The following CSMD1 variants were observed in gnomAD, a reference collection of about 807,000 sequenced individuals.
The protein encoded by CSMD1 is CUB and sushi domain-containing protein 1.
In CSMD1, 213 loss-of-function variants were observed where a neutral mutation model predicts 417.5. The ratio of observed to expected loss-of-function variants is 0.51; its 90% CI spans 0.46 to 0.57. The LOEUF (loss-of-function observed/expected upper bound fraction) is 0.57, where lower values mean the gene tolerates loss of function less well. Ranked by LOEUF, CSMD1 falls within the 20% of genes least tolerant of loss-of-function variation. CSMD1 has a pLI of 0.00. For missense variants in CSMD1, 6,923 were observed against 4,529.7 expected (o/e 1.53, Z -15.17); for synonymous variants, 2,862 against 1,736.8 (o/e 1.65, Z -16.11).
chr8:4,065,856 A>G (rs1001056247), intron 3 of CSMD1, among the ~76,000 whole-genome samples: 1 of 152,194 alleles, frequency 6.6e-6, no homozygotes, highest in Non-Finnish European at 1.5e-5. Flanking sequence ...ACACACACCC[A>G]AAGTTTTCCT....
At chr8:3,186,715 A>C (rs1821782630) in intron 36 of CSMD1, among the ~76,000 whole-genome samples, 1 of 152,246 alleles carries the variant, frequency 6.6e-6, no homozygotes, top group Non-Finnish European at 1.5e-5. Context: ...TTTGCAGTAG[A>C]GATAAACAAC....
chr8:4,313,953 G>T (rs986239374), intron 3 of CSMD1, among the ~76,000 whole-genome samples: 2 of 151,906 alleles, frequency 1.3e-5, no homozygotes, highest in African/African-American at 4.8e-5. Flanking sequence ...GGCAGAGGTT[G>T]CAGCGAGCCG....
At chr8:3,672,126 T>C (rs1024961119) in intron 7 of CSMD1, among the ~76,000 whole-genome samples, 1 of 152,224 alleles carries the variant, frequency 6.6e-6, no homozygotes, top group African/African-American at 2.4e-5. Context: ...AGGTGCTGTC[T>C]ACTTCCTCTT....
chr8:3,607,434 A>G (rs139674605), intron 8 of CSMD1, among the ~76,000 whole-genome samples: 148 of 152,326 alleles, frequency 9.7e-4, no homozygotes, highest in African/African-American at 3.5e-3. Flanking sequence ...ATACCATTGT[A>G]AATGCATGAA....
At chr8:4,144,380 G>T (rs1057099335) in intron 3 of CSMD1, among the ~76,000 whole-genome samples, 1 of 151,078 alleles carries the variant, frequency 6.6e-6, no homozygotes, top group African/African-American at 2.5e-5. Context: ...TGTGTTTTTA[G>T]AACTTAATTT....
At chr8:4,984,198 G>A (rs942093870) in intron 1 of CSMD1, among the ~76,000 whole-genome samples, 1 of 152,200 alleles carries the variant, frequency 6.6e-6, no homozygotes, top group African/African-American at 2.4e-5. Context: ...CTCCAGAACA[G>A]CAAGAGTAAC....
chr8:4,389,358 G>A (rs550419708), intron 3 of CSMD1, among the ~76,000 whole-genome samples: 2 of 152,238 alleles, frequency 1.3e-5, no homozygotes, highest in Non-Finnish European at 2.9e-5. Context: ...CTGATATGTG[G>A]AGGGAGTACT....
chr8:4,072,268 C>G (rs1799599184), intron 3 of CSMD1, among the ~76,000 whole-genome samples: 1 of 152,080 alleles, frequency 6.6e-6, no homozygotes, highest in Non-Finnish European at 1.5e-5. Flanking sequence ...TTTATTTGGC[C>G]ATCCTGAATT....
chr8:4,163,222 A>G (rs893766509), intron 3 of CSMD1, among the ~76,000 whole-genome samples: 2 of 152,142 alleles, frequency 1.3e-5, no homozygotes, highest in African/African-American at 4.8e-5. Context: ...AGTACACGTA[A>G]GTTTTTAGCT....
intron 26 of CSMD1, among the ~76,000 whole-genome samples, chr8:3,231,861 T>C (rs752777234): frequency 2.6e-5 from 4 of 152,316 alleles, no homozygotes; most frequent in Admixed American, 6.5e-5. Context: ...ATTAGACTAA[T>C]ATCTAAGTCA....
intron 1 of CSMD1, among the ~76,000 whole-genome samples, chr8:4,714,076 C>T (rs1397086363): frequency 6.6e-6 from 1 of 151,946 alleles, no homozygotes; most frequent in Non-Finnish European, 1.5e-5. Flanking sequence ...ACCCGGGAGA[C>T]AGAGGTTGCA....
At chr8:4,419,199 A>G (rs1278515724) in intron 3 of CSMD1, among the ~76,000 whole-genome samples, 1 of 152,218 alleles carries the variant, frequency 6.6e-6, no homozygotes, top group Admixed American at 6.5e-5. Context: ...TTAAATTTAC[A>G]GACTCCAGAG....
chr8:4,722,457 G>C (rs1424710350), intron 1 of CSMD1, among the ~76,000 whole-genome samples: 1 of 152,142 alleles, frequency 6.6e-6, no homozygotes, highest in East Asian at 1.9e-4. Context: ...AATGCATTTT[G>C]TACTGCAGTC....
At chr8:3,555,256 G>C (rs113027931) in intron 10 of CSMD1, among the ~76,000 whole-genome samples, 7 of 152,076 alleles carry the variant, frequency 4.6e-5, no homozygotes, top group Non-Finnish European at 5.9e-5. Context: ...CATTTAGCTA[G>C]GAGTCATGAA....
chr8:4,455,121 C>G (rs571034489), intron 2 of CSMD1, among the ~76,000 whole-genome samples: 2 of 152,008 alleles, frequency 1.3e-5, no homozygotes, highest in African/African-American at 4.8e-5. Context: ...TAAAGGATGA[C>G]GGATATCAAA....
At chr8:3,926,502 A>G (rs533845670) in intron 5 of CSMD1, among the ~76,000 whole-genome samples, 60 of 152,000 alleles carry the variant, frequency 3.9e-4, no homozygotes, top group African/African-American at 1.4e-3. Flanking sequence ...TTAATACTAA[A>G]TTCTTTATTA....
chr8:4,182,364 C>A (rs746446605), intron 3 of CSMD1, among the ~76,000 whole-genome samples: 2 of 152,026 alleles, frequency 1.3e-5, no homozygotes, highest in Non-Finnish European at 2.9e-5. Flanking sequence ...CATGCCTTAC[C>A]CAAAGTATAT....
chr8:3,907,955 G>C (rs539215780), intron 5 of CSMD1, among the ~76,000 whole-genome samples: 1 of 152,154 alleles, frequency 6.6e-6, no homozygotes, highest in African/African-American at 2.4e-5. Context: ...GGGGGGTGTG[G>C]GGAGAGTGGT....
chr8:4,669,793 G>C (rs1326697356), intron 1 of CSMD1, among the ~76,000 whole-genome samples: 1 of 152,148 alleles, frequency 6.6e-6, no homozygotes, highest in Non-Finnish European at 1.5e-5. Context: ...TCTAGAAGGA[G>C]AATGATTTAA....
Sources: gnomAD v4.1 joint callset for allele counts (sites outside exome capture counted in the v4.1 genomes callset) on GRCh38, gnomAD v4.1.1 for gene constraint, MANE v1.5 for transcripts, NCBI Gene and HGNC (gene_info 2026-07-23, HGNC 2026-07-21) for gene names.